FGF13: variants seen among roughly 807,000 people sequenced by gnomAD.
FGF13 encodes fibroblast growth factor 13.
Under a neutral mutation model 19.5 loss-of-function variants are expected in FGF13, and 2 were observed. That is an observed-to-expected ratio of 0.10 (90% confidence interval 0.04 to 0.32). The LOEUF is 0.32. Among genes scored for constraint, FGF13 ranks in the 10% least tolerant of loss-of-function variants. The pLI, the probability that FGF13 is intolerant of heterozygous loss-of-function variation, is 1.00. For missense variants in FGF13, 113 were observed against 192.7 expected, an observed-to-expected ratio of 0.59 and a Z score of 2.45; for synonymous variants, 72 against 76.9, an observed-to-expected ratio of 0.94 and a Z score of 0.33.
intron 1 of FGF13, among the ~76,000 whole-genome samples, chrX:138,979,399 T>C (rs1000602286): frequency 9.1e-6 from 1 of 109,768 alleles, no homozygotes; most frequent in Non-Finnish European, 1.9e-5. Flanking sequence ...AGATCAGAGA[T>C]TTTCTTTTTT....
intron 3 of FGF13, among the ~76,000 whole-genome samples, chrX:138,687,917 C>T (rs1444846344): frequency 9.1e-6 from 1 of 110,290 alleles, no homozygotes; most frequent in Non-Finnish European, 1.9e-5. Context: ...ACAAATACTG[C>T]ATGTTCTCAC....
chrX:139,178,384 T>G (rs903890519), intron 1 of FGF13, among the ~76,000 whole-genome samples: 2 of 112,133 alleles, frequency 1.8e-5, no homozygotes, highest in African/African-American at 6.5e-5. Context: ...TGATATCACT[T>G]GCACCATACT....
At chrX:139,127,571 T>A (rs760124011) in intron 1 of FGF13, among the ~76,000 whole-genome samples, 29 of 111,699 alleles carry the variant, frequency 2.6e-4, no homozygotes, top group African/African-American at 9.1e-4. Flanking sequence ...ACTTTTTTCA[T>A]GTATGGCACT....
At chrX:139,188,495 A>C (rs966916161) in intron 1 of FGF13, among the ~76,000 whole-genome samples, 1 of 111,797 alleles carries the variant, frequency 8.9e-6, no homozygotes, top group Non-Finnish European at 1.9e-5. Context: ...CTGTGCCCTG[A>C]TACAGAAACA....
intron 1 of FGF13, among the ~76,000 whole-genome samples, chrX:139,168,887 G>A (rs1329926371): frequency 8.9e-6 from 1 of 112,059 alleles, no homozygotes; most frequent in Non-Finnish European, 1.9e-5. Context: ...CCATGTTGTT[G>A]AACTGAGAGG....
At chrX:139,184,201 GA>G (rs1011650659) in intron 1 of FGF13, among the ~76,000 whole-genome samples, 3 of 112,076 alleles carry the variant, frequency 2.7e-5, no homozygotes, top group African/African-American at 9.7e-5. Flanking sequence ...AAATTTCAGA[GA>G]GTACAATTTA....
chrX:138,748,449 T>C (rs2090372190), intron 3 of FGF13, among the ~76,000 whole-genome samples: 1 of 110,855 alleles, frequency 9.0e-6, no homozygotes, highest in Non-Finnish European at 1.9e-5. Context: ...TAGCAAGAGG[T>C]GGCCATCTAT....
chrX:138,658,015 T>C lies in FGF13; in HGVS notation c.403-22360A>G, dbSNP rs1043668725. On this transcript the variant is annotated intron_variant, in intron 3 of 4. Transcript: ENST00000315930. ...TTATGCTTAACTGGTTGTTTTCTTT[T>C]ATTGAGGATCAGTCGTGAAAGTGGA... Among the ~76,000 whole-genome samples, 15 of 112,075 alleles carry C rather than the reference T, an allele frequency of 1.3e-4. No individual in the cohort carries two copies. In the Admixed American group the frequency reaches 1.4e-3, roughly 11 times the overall value.
intron 1 of FGF13, among the ~76,000 whole-genome samples, chrX:139,052,374 A>G (rs62602240): frequency 0.16 from 18,231 of 111,863 alleles, 1,320 homozygotes; most frequent in African/African-American, 0.28. Flanking sequence ...AGCATCCTGG[A>G]AATTTAACCA....
intron 1 of FGF13, among the ~76,000 whole-genome samples, chrX:138,873,535 G>T (rs1413978668): frequency 3.6e-5 from 4 of 111,720 alleles, no homozygotes; most frequent in Non-Finnish European, 5.6e-5. Flanking sequence ...CTTCTTGAAT[G>T]GCATTGGAGT....
chrX:138,706,187 G>A (rs200575599), intron 2 of FGF13, among the ~76,000 whole-genome samples: 1 of 60,625 alleles, frequency 1.6e-5, no homozygotes, highest in Non-Finnish European at 3.2e-5. Flanking sequence ...TAATGCTACC[G>A]TGAGTTTGAA....
intron 3 of FGF13, among the ~76,000 whole-genome samples, chrX:138,652,814 G>A (rs1250387335): frequency 1.8e-5 from 2 of 112,177 alleles, no homozygotes; most frequent in East Asian, 5.6e-4. Context: ...CCTTTGAAAA[G>A]TGTGCCAACA....
intron 1 of FGF13, among the ~76,000 whole-genome samples, chrX:139,028,759 T>A (rs1414123253): frequency 9.2e-6 from 1 of 108,747 alleles, no homozygotes; most frequent in Non-Finnish European, 1.9e-5. Context: ...AGGTGTATGA[T>A]CACAGGAGCA....
rs763885949 is a variant in FGF13, at chrX:138,615,317, G to A, written c.*17533C>T. On this transcript the variant is annotated 3_prime_UTR_variant, in exon 5 of 5. Coordinates refer to ENST00000315930, the MANE Select transcript of FGF13 (RefSeq NM_004114.5). Reference sequence around the variant, plus strand: ...TAAGTTGATACCACTAGAGGAACTAGATAAAGGGCATATAGCACTTCCCTA... The same window carrying A: ...TAAGTTGATACCACTAGAGGAACTAAATAAAGGGCATATAGCACTTCCCTA... The A allele has an allele frequency of 6.2e-5, 7 of 112,239 alleles. No homozygotes were observed. Among genetic ancestry groups the A allele is most frequent in the Non-Finnish European group, 1.3e-4 (7 of 53,231 alleles). 9.2% of individuals were successfully genotyped at this position (112,239 alleles called of 1,213,427 possible).
At chrX:138,854,386 T>G (rs1220708341), downstream of FGF13, among the ~76,000 whole-genome samples, 1 of 111,634 alleles carries the variant, frequency 9.0e-6, no homozygotes, top group Non-Finnish European at 1.9e-5. Flanking sequence ...GATATTTCAG[T>G]CCCTTTGTGT....
At chrX:138,982,430 T>C (rs1472547188) in intron 1 of FGF13, among the ~76,000 whole-genome samples, 4 of 111,696 alleles carry the variant, frequency 3.6e-5, no homozygotes, top group Non-Finnish European at 7.5e-5. Flanking sequence ...TCAGGACACA[T>C]CTATGTTAAA....
chrX:138,902,296 A>C (rs775870687), intron 1 of FGF13, among the ~76,000 whole-genome samples: 1 of 112,203 alleles, frequency 8.9e-6, no homozygotes, highest in African/African-American at 3.2e-5. Context: ...GCAAGGGATA[A>C]ATGTTGCACC....
intron 3 of FGF13, among the ~76,000 whole-genome samples, chrX:138,690,092 T>C (rs1281606487): frequency 9.0e-6 from 1 of 111,694 alleles, no homozygotes; most frequent in Non-Finnish European, 1.9e-5. Flanking sequence ...CTTTAATACA[T>C]GTGTTTTGTA....
chrX:138,958,765 C>G (rs1031869708), intron 1 of FGF13, among the ~76,000 whole-genome samples: 3 of 111,293 alleles, frequency 2.7e-5, no homozygotes, highest in Non-Finnish European at 5.7e-5. Flanking sequence ...TGTATGTGTC[C>G]AGGAATTTAT....
Sources: allele counts gnomAD v4.1 joint callset (sites outside exome capture counted in the v4.1 genomes callset), GRCh38; gene constraint gnomAD v4.1.1; transcripts MANE v1.5; gene names NCBI Gene and HGNC (gene_info 2026-07-23, HGNC 2026-07-21).